ADGRL4: variants seen among roughly 807,000 people sequenced by gnomAD.
The protein encoded by ADGRL4 is EGF, latrophilin and seven transmembrane domain containing 1.
In ADGRL4, 90 loss-of-function variants were observed where a neutral mutation model predicts 74.8. The observed-to-expected ratio is 1.20, with a 90% confidence interval of 1.02 to 1.43. The LOEUF (loss-of-function observed/expected upper bound fraction) is 1.43. Ranked by LOEUF, ADGRL4 falls within the 40% of genes most tolerant of loss-of-function variation. The pLI, the probability that ADGRL4 is intolerant of heterozygous loss-of-function variation, is 0.00. For missense variants in ADGRL4, 881 were observed against 814.3 expected (o/e 1.08, Z -1.00); for synonymous variants, 311 against 279.2 (o/e 1.11, Z -1.14).
intron 2 of ADGRL4, among the ~76,000 whole-genome samples, chr1:78,957,817 G>A (rs1312161925): frequency 2.0e-5 from 3 of 152,058 alleles, no homozygotes; most frequent in Admixed American, 6.6e-5. Flanking sequence ...CCTTCTATTG[G>A]AAGAAGATGC....
intron 2 of ADGRL4, among the ~76,000 whole-genome samples, chr1:78,969,594 C>G (rs1305033246): frequency 1.3e-5 from 2 of 152,058 alleles, no homozygotes; most frequent in Non-Finnish European, 2.9e-5. Context: ...CAAAGCCAAT[C>G]CAAAGGTGTG....
intron 8 of ADGRL4, among the ~76,000 whole-genome samples, chr1:78,924,525 A>AG (rs1323008198): frequency 6.6e-6 from 1 of 152,030 alleles, no homozygotes; most frequent in Non-Finnish European, 1.5e-5. Context: ...TAAATGACCC[A>AG]GGGGTAGATC....
chr1:78,898,636 A>C (rs1196385386), intron 12 of ADGRL4, among the ~76,000 whole-genome samples: 1 of 152,128 alleles, frequency 6.6e-6, no homozygotes. Context: ...GCACTTCAGA[A>C]TACAGAAGAG....
At chr1:78,927,215 A>C in intron 7 of ADGRL4, 124 bp from the exon 8 acceptor site, 1 of 648,970 alleles carries the variant, frequency 1.5e-6, no homozygotes, top group Non-Finnish European at 2.6e-6. Context: ...AAATCCCCAG[A>C]TACTGAAATA....
chr1:78,926,988 C>T lies in ADGRL4; in HGVS notation c.981G>A (p.Glu327=). 1 of 1,611,082 alleles carries T rather than the reference C, an allele frequency of 6.2e-7. No individual in the cohort carries two copies. Among genetic ancestry groups the T allele is most frequent in the South Asian group, 1.1e-5 (1 of 91,012 alleles). ...TTACTGAAGATATGACTCTTTCCTC[C>T]TCTTCAGAATTATCATAATTTTGAG... is the stretch of plus-strand genomic sequence containing the variant. ...LKPQNYDNSE[E]EERVISSVIS... Residue 327 remains glutamate (E), a synonymous_variant, in exon 8 of 15, where the codon GAG becomes GAA. Transcript: ENST00000370742.
chr1:78,908,470 C>CA lies in ADGRL4; in HGVS notation c.1749+9163dup, dbSNP rs533019489. ...TGTAGGTATTTTTAAGTAGATAAGTCAATATTACAGTATTACAGTGTAAAC... is the reference window on the plus strand; with the variant it reads ...TGTAGGTATTTTTAAGTAGATAAGTCAAATATTACAGTATTACAGTGTAAAC... On this transcript the variant is annotated intron_variant, in intron 12 of 14. Transcript: ENST00000370742. Among the ~76,000 whole-genome samples the CA allele has an allele frequency of 1.7e-4, 26 of 151,884 alleles. 1 individual carries two copies. The East Asian group carries it at 5.0e-3, about 29-fold the overall frequency.
chr1:78,936,287 A>G lies in ADGRL4; in HGVS notation c.877+8T>C, dbSNP rs1649350416. 6.3e-7 allele frequency: 1 copy of G among 1,587,298 alleles called. No individual in the cohort carries two copies. The highest frequency in any genetic ancestry group is 1.4e-5 in the African/African-American group (1 of 73,180). On this transcript the variant is annotated splice_region_variant and intron_variant, in intron 7 of 14. Coordinates refer to ENST00000370742, the MANE Select transcript of ADGRL4 (RefSeq NM_022159.4). Reference sequence around the variant, plus strand: ...GATATATTGTCTGTTAGATTGTTAAAGTCCTACCATTTGAATCATATGCAG... The same window carrying G: ...GATATATTGTCTGTTAGATTGTTAAGGTCCTACCATTTGAATCATATGCAG...
chr1:78,957,407 G>C lies in ADGRL4; in HGVS notation c.173-10981C>G, dbSNP rs142567064. Among the ~76,000 whole-genome samples, 14 of 152,270 alleles carry C rather than the reference G, an allele frequency of 9.2e-5. No individual in the cohort carries two copies. The East Asian group carries it at 2.7e-3, about 29-fold the overall frequency. ...GCCAAGTTGTGAATGCAGAGGAAAA[G>C]CTCTTGAAGGAAATTAAAAGTGCCA... On this transcript the variant is annotated intron_variant, in intron 2 of 14. Transcript: ENST00000370742.
chr1:78,962,893 A>T (rs943607626), intron 2 of ADGRL4, among the ~76,000 whole-genome samples: 2 of 152,174 alleles, frequency 1.3e-5, no homozygotes, highest in Non-Finnish European at 2.9e-5. Context: ...TAGGGTGCCA[A>T]TCTACTTGAG....
chr1:78,927,027 G>C lies in ADGRL4; in HGVS notation c.942C>G (p.Asn314Lys), dbSNP rs759598920. ...SIGPLLSSSD[N>K]FLLKPQNYDN... is the part of the protein sequence containing the mutation. ...CATAATTTTGAGGTTTCAATAAGAA[G>C]TTGTCAGATGATGAAAGCAAAGGAC... is the stretch of plus-strand genomic sequence containing the variant. Residue 314 changes from asparagine to lysine, a missense_variant, in exon 8 of 15, where the codon AAC becomes AAG. Transcript: ENST00000370742. 6.2e-7 allele frequency: 1 copy of C among 1,609,900 alleles called. No individual in the cohort carries two copies. The highest frequency in any genetic ancestry group is 2.2e-5 in the East Asian group (1 of 44,668).
chr1:78,937,643 C>T (rs1649382028), intron 6 of ADGRL4, among the ~76,000 whole-genome samples, 164 bp downstream of exon 6: 1 of 152,182 alleles, frequency 6.6e-6, no homozygotes, highest in Non-Finnish European at 1.5e-5. Context: ...ACTTTATTCA[C>T]AATGCTTTTG....
chr1:78,974,389 T>A (rs1650237107), intron 2 of ADGRL4, among the ~76,000 whole-genome samples: 1 of 152,152 alleles, frequency 6.6e-6, no homozygotes, highest in African/African-American at 2.4e-5. Flanking sequence ...TTATAATATC[T>A]CTTTTAAAAA....
chr1:79,003,022 G>T (rs189965509), intron 2 of ADGRL4, among the ~76,000 whole-genome samples: 1 of 151,954 alleles, frequency 6.6e-6, no homozygotes, highest in African/African-American at 2.4e-5. Flanking sequence ...CGATATTGAG[G>T]ACAGAAAAAA....
Position 78,927,049 on chromosome 1 carries a change from G to T in ADGRL4, c.920C>A (p.Pro307His). The change falls in exon 8 of 15, where the codon CCT (proline) becomes CAT (histidine). Residue 307 changes from proline (P) to histidine (H), a missense_variant. Physicochemically the swap from Pro to His is moderately conservative, Grantham distance 77. Coordinates refer to ENST00000370742, the MANE Select transcript of ADGRL4 (RefSeq NM_022159.4). ...VAFVYYKSIG[P>H]LLSSSDNFLL... ...GAAGTTGTCAGATGATGAAAGCAAA[G>T]GACCAATACTCTTATAATATACAAA... 6.2e-7 allele frequency: 1 copy of T among 1,606,852 alleles called. No homozygotes were observed. The highest frequency in any genetic ancestry group is 8.5e-7 in the Non-Finnish European group (1 of 1,174,714).
rs576271014 is a variant in ADGRL4, at chr1:78,937,582, A to C, written c.760+225T>G. Among the ~76,000 whole-genome samples, 390 of 152,340 alleles carry C rather than the reference A, an allele frequency of 2.6e-3. 2 individuals carry two copies. The highest frequency in any genetic ancestry group is 3.6e-3 in the Non-Finnish European group (242 of 68,026). On this transcript the variant is annotated intron_variant, in intron 6 of 14. Transcript: ENST00000370742. Reference sequence around the variant, plus strand: ...GGCTGTACAGTTCAGGAATCAGAAAAGGTGGATATGATAGGAAGGAGACAC... The same window carrying C: ...GGCTGTACAGTTCAGGAATCAGAAACGGTGGATATGATAGGAAGGAGACAC...
rs553487897 is a variant in ADGRL4, at chr1:78,923,842, T to C, written c.1084-2056A>G. On this transcript the variant is annotated intron_variant, in intron 8 of 14. Coordinates refer to ENST00000370742, the MANE Select transcript of ADGRL4 (RefSeq NM_022159.4). The stretch of plus-strand genomic sequence containing the variant: ...AAACTCCAAATATTAGAAGCTCTGC[T>C]GGGAAGTCTCATAAATACTAAGAGG... 1.8e-4 allele frequency among the ~76,000 whole-genome samples: 27 copies of C among 150,804 alleles called. No individual in the cohort carries two copies. The South Asian group carries it at 5.7e-3, about 32-fold the overall frequency.
At chr1:78,915,921 G>A (rs1426248400) in intron 12 of ADGRL4, among the ~76,000 whole-genome samples, 1 of 151,766 alleles carries the variant, frequency 6.6e-6, no homozygotes, top group African/African-American at 2.4e-5. Flanking sequence ...TAAAAGATGA[G>A]AAATATTTAA....
At chr1:78,921,473 TG>T in intron 9 of ADGRL4, 139 bp downstream of exon 9, 1 of 433,850 alleles carries the variant, frequency 2.3e-6, no homozygotes. Flanking sequence ...AGAAAGATCC[TG>T]TTGGGGTTTT....
chr1:78,912,413 T>C (rs1570221614), intron 12 of ADGRL4, among the ~76,000 whole-genome samples: 1 of 151,882 alleles, frequency 6.6e-6, no homozygotes, highest in East Asian at 2.0e-4. Context: ...CCCCAGGCCA[T>C]GAACCAGTAC....
Sources: allele counts gnomAD v4.1 joint callset (sites outside exome capture counted in the v4.1 genomes callset), GRCh38; gene constraint gnomAD v4.1.1; transcripts MANE v1.5; gene names NCBI Gene and HGNC (gene_info 2026-07-23, HGNC 2026-07-21).